The following IL1RL1 variants were observed in gnomAD, a reference collection of about 807,000 sequenced individuals.
The protein encoded by IL1RL1 is interleukin-1 receptor-like 1.
In IL1RL1, 32 loss-of-function variants were observed where a neutral mutation model predicts 50.9. That is an observed-to-expected ratio of 0.63 (90% CI 0.47 to 0.84). The LOEUF (loss-of-function observed/expected upper bound fraction) is 0.84, where lower values mean the gene tolerates loss of function less well. IL1RL1 is among the 40% of genes least tolerant of loss of function. The pLI, the probability that IL1RL1 is intolerant of heterozygous loss-of-function variation, is 0.00. For synonymous variants in IL1RL1, 275 were observed against 236.0 expected, an observed-to-expected ratio of 1.17 and a Z score of -1.51; for missense variants, 773 against 662.9, an observed-to-expected ratio of 1.17 and a Z score of -1.82.
chr2:102,322,367 A>C (rs921679973), intron 1 of IL1RL1, among the ~76,000 whole-genome samples: 1 of 152,234 alleles, frequency 6.6e-6, no homozygotes, highest in East Asian at 1.9e-4. Context: ...AAATAAATTC[A>C]GAGCGGAAAC....
intron 1 of IL1RL1, among the ~76,000 whole-genome samples, chr2:102,312,261 G>C (rs1380793519): frequency 6.8e-6 from 1 of 146,262 alleles, no homozygotes; most frequent in African/African-American, 2.5e-5. Context: ...CAAATGAAGG[G>C]CCTATAATAT....
rs1677397454 is a variant in IL1RL1 at position 102,338,152 on chromosome 2, A to G, written c.-113A>G. On this transcript the variant is annotated 5_prime_UTR_variant, in exon 2 of 11. Coordinates refer to ENST00000233954, the MANE Select transcript of IL1RL1 (RefSeq NM_016232.5). ...GCTACTCTTCCCAACTCAGTCTTGA[A>G]GAGTATCACCAACTGCCTCATGTGT... The G allele has an allele frequency of 1.6e-6, 1 of 619,386 alleles. No individual in the cohort carries two copies. Among genetic ancestry groups the G allele is most frequent in the Non-Finnish European group, 2.9e-6 (1 of 344,180 alleles). The allele number at this position is 619,386 out of a possible 1,614,324, so 38.4% of individuals were successfully genotyped here.
rs1416548390 is a variant in IL1RL1 at position 102,351,520 on chromosome 2, T to C, written c.1286-16T>C. On this transcript the variant is annotated splice_polypyrimidine_tract_variant and intron_variant, in intron 10 of 10. Coordinates refer to ENST00000233954, the MANE Select transcript of IL1RL1 (RefSeq NM_016232.5). ...TTAGACTGATAAGAAATCTGATCTA[T>C]TTCTTGTATGACTAGATGTAGTCAC... The C allele has an allele frequency of 1.2e-6, 2 of 1,604,978 alleles. No homozygotes were observed. The highest frequency in any genetic ancestry group is 8.5e-7 in the Non-Finnish European group (1 of 1,173,978).
chr2:102,319,975 C>A (rs1676790363), intron 1 of IL1RL1, among the ~76,000 whole-genome samples: 1 of 152,204 alleles, frequency 6.6e-6, no homozygotes. Context: ...TGGTGTGAAC[C>A]ATCACTCCCA....
chr2:102,327,848 T>C (rs1404266278), intron 1 of IL1RL1, among the ~76,000 whole-genome samples: 3 of 152,140 alleles, frequency 2.0e-5, no homozygotes, highest in African/African-American at 7.2e-5. Context: ...GGCTCTGAAA[T>C]TGAGGCAATA....
chr2:102,329,814 G>C (rs548056068), intron 1 of IL1RL1, among the ~76,000 whole-genome samples: 92 of 152,294 alleles, frequency 6.0e-4, no homozygotes, highest in African/African-American at 2.2e-3. Context: ...AGTTAGAATG[G>C]TGATTATTAA....
intron 8 of IL1RL1, chr2:102,344,617 G>A: frequency 3.3e-6 from 1 of 298,758 alleles, no homozygotes; most frequent in Non-Finnish European, 4.9e-6. Flanking sequence ...GCTCCATGAG[G>A]GCAGGGACAT....
intron 1 of IL1RL1, among the ~76,000 whole-genome samples, chr2:102,319,145 T>C (rs966217179): frequency 1.3e-5 from 2 of 152,192 alleles, no homozygotes; most frequent in African/African-American, 2.4e-5. Flanking sequence ...ATAGAACTTA[T>C]TGCAATGTGT....
Position 102,340,830 on chromosome 2 carries a change from T to C in IL1RL1, c.610+2T>C. 1 of 1,568,086 alleles carries C rather than the reference T, an allele frequency of 6.4e-7. No individual in the cohort carries two copies. The highest frequency in any genetic ancestry group is 8.6e-7 in the Non-Finnish European group (1 of 1,165,214). On this transcript the variant is annotated splice_donor_variant, in intron 5 of 10. Coordinates refer to ENST00000233954, the MANE Select transcript of IL1RL1 (RefSeq NM_016232.5). LOFTEE classifies it high-confidence loss of function. ...CGACCAGGTCCTTCACGGTCAAGGG[T>C]AAGCTACTGACATTAATGAGATAGA...
intron 10 of IL1RL1, 26 bp downstream of exon 10, chr2:102,349,272 A>G (rs1330819039): frequency 6.3e-7 from 1 of 1,598,984 alleles, no homozygotes; most frequent in Non-Finnish European, 8.6e-7. Context: ...TACATTAGGG[A>G]CAGAAATTCA....
Position 102,335,521 on chromosome 2 carries a change from A to G in IL1RL1, c.-149-2595A>G, listed in dbSNP as rs570436562. 1.7e-4 allele frequency among the ~76,000 whole-genome samples: 26 copies of G among 152,318 alleles called. No homozygotes were observed. In the East Asian group the frequency reaches 3.3e-3, roughly 19 times the overall value. ...TAACTATAAAATTTGAGTGATGTTA[A>G]TGATAAGTACCACAGAGTATTGTAC... On this transcript the variant is annotated intron_variant, in intron 1 of 10. Transcript: ENST00000233954.
intron 1 of IL1RL1, among the ~76,000 whole-genome samples, chr2:102,318,042 G>C (rs1355575188): frequency 1.3e-5 from 2 of 152,206 alleles, no homozygotes; most frequent in African/African-American, 4.8e-5. Flanking sequence ...AAATCAGAGA[G>C]GTGAGAGGTG....
chr2:102,342,131 C>A, intron 5 of IL1RL1, 92 bp from the exon 6 acceptor site: 3 of 769,706 alleles, frequency 3.9e-6, no homozygotes, highest in African/African-American at 1.8e-5. Context: ...AAAAACATTG[C>A]TATGAAATAG....
At chr2:102,323,291 T>C in intron 1 of IL1RL1, among the ~76,000 whole-genome samples, 1 of 146,358 alleles carries the variant, frequency 6.8e-6, no homozygotes, top group Non-Finnish European at 1.5e-5. Context: ...TGTGTGTGTG[T>C]GTGTATATAT....
At chr2:102,320,270 A>G (rs899842962) in intron 1 of IL1RL1, among the ~76,000 whole-genome samples, 1 of 152,150 alleles carries the variant, frequency 6.6e-6, no homozygotes, top group Non-Finnish European at 1.5e-5. Context: ...GGGTCACTTC[A>G]TGCCAGATGC....
At position 102,312,020 on chromosome 2, in the gene IL1RL1, A is replaced by ATTT. The variant is rs1238230079; in HGVS notation, c.-150+397_-150+398insTTT. The stretch of plus-strand genomic sequence containing the variant: ...TAATATATTTATATATATTATATAT[A>ATTT]ATATATATTATATATTAAATATTAT... On this transcript the variant is annotated intron_variant, in intron 1 of 10. Coordinates refer to ENST00000233954, the MANE Select transcript of IL1RL1 (RefSeq NM_016232.5). 9.5e-4 allele frequency among the ~76,000 whole-genome samples: 50 copies of ATTT among 52,778 alleles called. 2 individuals carry two copies. The highest frequency in any genetic ancestry group is 4.6e-3 in the African/African-American group (40 of 8,616). The allele number at this position is 52,778 out of a possible 152,430, so 34.6% of individuals were successfully genotyped here.
chr2:102,349,293 A>G, intron 10 of IL1RL1, 47 bp downstream of exon 10: 1 of 1,547,416 alleles, frequency 6.5e-7, no homozygotes, highest in Non-Finnish European at 8.9e-7. Context: ...TGCTTATTAA[A>G]GGCTGTGAAC....
At chr2:102,333,552 A>G (rs1325925511) in intron 1 of IL1RL1, among the ~76,000 whole-genome samples, 1 of 152,122 alleles carries the variant, frequency 6.6e-6, no homozygotes, top group Non-Finnish European at 1.5e-5. Context: ...AGCTTTTGTG[A>G]ATTCCACTTG....
rs201172745 is a variant in IL1RL1, at chr2:102,338,351, T to G, written c.61+26T>G. 1.5e-4 allele frequency: 197 copies of G among 1,310,446 alleles called. No homozygotes were observed. In the African/African-American group the frequency reaches 2.4e-3, roughly 16 times the overall value. The allele number at this position is 1,310,446 out of a possible 1,614,324, so 81.2% of individuals were successfully genotyped here. A position where few individuals can be genotyped will look rare whatever the true frequency, so the allele number is the denominator to read the frequency against. On this transcript the variant is annotated intron_variant, in intron 2 of 10. Transcript: ENST00000233954. ...GTAAGTATTGCCTTCTAAGTATAAT[T>G]TAAATTTTTATAAATTAAATAATTT... is the stretch of plus-strand genomic sequence containing the variant.
Sources: allele counts gnomAD v4.1 joint callset (sites outside exome capture counted in the v4.1 genomes callset), GRCh38; gene constraint gnomAD v4.1.1; transcripts MANE v1.5; gene names NCBI Gene and HGNC (gene_info 2026-07-23, HGNC 2026-07-21).